Variants in ELOVL6 observed in about 807,000 individuals in gnomAD.
ELOVL6 encodes ELOVL fatty acid elongase 6.
Under a neutral mutation model 31.7 loss-of-function variants are expected in ELOVL6, and 8 were observed. The observed-to-expected ratio is 0.25, with a 90% CI of 0.15 to 0.45. ELOVL6 has a LOEUF of 0.45. ELOVL6 is among the 20% of genes least tolerant of loss of function. The probability of loss-of-function intolerance (pLI) is 1.00; values close to 1 mark genes in which losing one functional copy is unlikely to be tolerated. For synonymous variants in ELOVL6, 101 were observed against 117.7 expected (o/e 0.86, Z 0.92); for missense variants, 126 against 326.4 (o/e 0.39, Z 4.73).
intron 2 of ELOVL6, among the ~76,000 whole-genome samples, chr4:110,063,181 T>A (rs1442618380): frequency 1.3e-5 from 2 of 152,216 alleles, no homozygotes; most frequent in Non-Finnish European, 1.5e-5. Context: ...CTAGTTCAAT[T>A]TGCCACATTG....
chr4:110,084,194 T>TGTGATGATA (rs1491255162), intron 2 of ELOVL6, among the ~76,000 whole-genome samples: 7 of 76,094 alleles, frequency 9.2e-5, no homozygotes, highest in East Asian at 5.3e-4. Context: ...AACATATAAC[T>TGTGATGATA]TATATGATAT....
At position 110,158,657 on chromosome 4, in the gene ELOVL6, A is replaced by AT. The variant is rs1184682018; in HGVS notation, c.89+39589dup. Among the ~76,000 whole-genome samples the AT allele has an allele frequency of 8.5e-3, 629 of 74,184 alleles. 22 individuals carry two copies. Among genetic ancestry groups the AT allele is most frequent in the African/African-American group, 0.021 (248 of 12,080 alleles). The allele number at this position is 74,184 out of a possible 152,430, so 48.7% of individuals were successfully genotyped here. ...CGTGTATATATATATATATATATATATTTTTTTTTTTTTTTTTTTTGAGAC... is the reference window on the plus strand; with the variant it reads ...CGTGTATATATATATATATATATATATTTTTTTTTTTTTTTTTTTTTGAGAC... On this transcript the variant is annotated intron_variant, in intron 1 of 3. Transcript: ENST00000302274.
chr4:110,140,000 C>T (rs1036325846), intron 1 of ELOVL6, among the ~76,000 whole-genome samples: 7 of 152,178 alleles, frequency 4.6e-5, no homozygotes, highest in Non-Finnish European at 7.3e-5. Flanking sequence ...CCCTACTGAT[C>T]CTACCATGTG....
intron 1 of ELOVL6, among the ~76,000 whole-genome samples, chr4:110,189,617 G>A (rs200096544): frequency 0.026 from 3,307 of 129,486 alleles, 129 homozygotes; most frequent in African/African-American, 0.056. Context: ...AAAAAAAAGA[G>A]AGAGAGAGAG....
At chr4:110,196,451 C>A (rs965017482) in intron 1 of ELOVL6, among the ~76,000 whole-genome samples, 6 of 152,210 alleles carry the variant, frequency 3.9e-5, no homozygotes, top group African/African-American at 9.6e-5. Flanking sequence ...AGCACCACCC[C>A]CTAAGCGGGA....
intron 1 of ELOVL6, among the ~76,000 whole-genome samples, chr4:110,169,807 C>CTTT (rs759703117): frequency 7.3e-6 from 1 of 136,630 alleles, no homozygotes; most frequent in African/African-American, 2.8e-5. Flanking sequence ...TTCTTTCTTT[C>CTTT]TTTTTTTTTT....
chr4:110,147,818 C>T (rs942387626), intron 1 of ELOVL6, among the ~76,000 whole-genome samples: 4 of 150,570 alleles, frequency 2.7e-5, no homozygotes, highest in African/African-American at 9.8e-5. Flanking sequence ...CACACACACA[C>T]GTGCACGCCA....
At chr4:110,181,637 AGAG>A (rs1759278334) in intron 1 of ELOVL6, among the ~76,000 whole-genome samples, 1 of 152,132 alleles carries the variant, frequency 6.6e-6, no homozygotes, top group Non-Finnish European at 1.5e-5. Context: ...AACAAGGAGG[AGAG>A]GAGAGAAAAT....
chr4:110,063,435 C>T (rs1755203620), intron 2 of ELOVL6, among the ~76,000 whole-genome samples: 1 of 151,508 alleles, frequency 6.6e-6, no homozygotes, highest in Non-Finnish European at 1.5e-5. Flanking sequence ...CAGTCCACAC[C>T]TGGTGGGCTC....
At chr4:110,121,078 G>A (rs1033427358) in intron 1 of ELOVL6, among the ~76,000 whole-genome samples, 1 of 152,096 alleles carries the variant, frequency 6.6e-6, no homozygotes, top group African/African-American at 2.4e-5. Flanking sequence ...TGAGATTACA[G>A]GCCTGAGCCT....
At chr4:110,106,445 C>T (rs904491970) in intron 1 of ELOVL6, among the ~76,000 whole-genome samples, 3 of 152,060 alleles carry the variant, frequency 2.0e-5, no homozygotes, top group Non-Finnish European at 4.4e-5. Flanking sequence ...ATGAGTGCTC[C>T]GGGGAAAGGG....
At chr4:110,173,146 T>C (rs1419824626) in intron 1 of ELOVL6, among the ~76,000 whole-genome samples, 1 of 152,224 alleles carries the variant, frequency 6.6e-6, no homozygotes, top group Non-Finnish European at 1.5e-5. Context: ...ATAGCACCTA[T>C]GACCTGCTTC....
At chr4:110,074,558 G>C (rs185817671) in intron 2 of ELOVL6, among the ~76,000 whole-genome samples, 8 of 152,222 alleles carry the variant, frequency 5.3e-5, no homozygotes, top group Admixed American at 5.2e-4. Context: ...AAGACATTAG[G>C]TACTGGGGAC....
At chr4:110,083,231 G>A (rs1043925419) in intron 2 of ELOVL6, among the ~76,000 whole-genome samples, 2 of 151,706 alleles carry the variant, frequency 1.3e-5, no homozygotes, top group Non-Finnish European at 2.9e-5. Flanking sequence ...GGTAGTAAGT[G>A]CCACAGGATA....
At chr4:110,093,421 A>G (rs549381371) in intron 2 of ELOVL6, among the ~76,000 whole-genome samples, 54 of 152,328 alleles carry the variant, frequency 3.5e-4, no homozygotes, top group African/African-American at 1.2e-3. Context: ...GTACATAAGC[A>G]ATTCAAGTCA....
In ELOVL6 at chr4:110,189,413, C is replaced by A. The variant is rs573181241; in HGVS notation, c.89+8834G>T. Among the ~76,000 whole-genome samples, 23 of 150,718 alleles carry A rather than the reference C, an allele frequency of 1.5e-4. No individual in the cohort carries two copies. In the South Asian group the frequency reaches 4.4e-3, roughly 29 times the overall value. On this transcript the variant is annotated intron_variant, in intron 1 of 3. Transcript: ENST00000302274. Reference sequence around the variant, plus strand: ...ACCAGCCTGGCCAACATGGTGAAACCCCGTCTCTGCTAAAAATACAAAAAT... The same window carrying A: ...ACCAGCCTGGCCAACATGGTGAAACACCGTCTCTGCTAAAAATACAAAAAT...
intron 1 of ELOVL6, among the ~76,000 whole-genome samples, chr4:110,168,729 C>T (rs1351119168): frequency 6.6e-6 from 1 of 152,130 alleles, no homozygotes; most frequent in Non-Finnish European, 1.5e-5. Flanking sequence ...ACTCTGTGGA[C>T]AGGCAGTGTG....
intron 2 of ELOVL6, among the ~76,000 whole-genome samples, chr4:110,083,533 C>T (rs947940621): frequency 1.3e-5 from 2 of 151,506 alleles, no homozygotes; most frequent in Non-Finnish European, 2.9e-5. Flanking sequence ...CTTTGAGGAT[C>T]CTGACACAGA....
intron 2 of ELOVL6, among the ~76,000 whole-genome samples, chr4:110,067,515 C>T (rs1194029879): frequency 6.6e-6 from 1 of 152,134 alleles, no homozygotes; most frequent in African/African-American, 2.4e-5. Flanking sequence ...AGGAGACTTA[C>T]AATCACGGTG....
Sources: gnomAD v4.1 joint callset for allele counts (sites outside exome capture counted in the v4.1 genomes callset) on GRCh38, gnomAD v4.1.1 for gene constraint, MANE v1.5 for transcripts, NCBI Gene and HGNC (gene_info 2026-07-23, HGNC 2026-07-21) for gene names.